Variants in MAP3K8 observed in about 807,000 individuals in gnomAD.
MAP3K8 encodes mitogen-activated protein kinase kinase kinase 8.
In MAP3K8, 22 loss-of-function variants were observed where a neutral mutation model predicts 45.8. The ratio of observed to expected loss-of-function variants is 0.48; its 90% CI spans 0.34 to 0.69. The LOEUF (loss-of-function observed/expected upper bound fraction) is 0.69, where lower values mean the gene tolerates loss of function less well. Ranked by LOEUF, MAP3K8 falls within the 30% of genes least tolerant of loss-of-function variation. MAP3K8 has a pLI of 0.01. For missense variants in MAP3K8, 419 were observed against 585.0 expected (o/e 0.72, Z 2.93); for synonymous variants, 223 against 214.3 (o/e 1.04, Z -0.36).
chr10:30,453,292 T>G (rs762056123), intron 6 of MAP3K8, among the ~76,000 whole-genome samples: 3 of 152,138 alleles, frequency 2.0e-5, no homozygotes, highest in African/African-American at 4.8e-5. Context: ...TCACTGAGTT[T>G]TGGCTCAATG....
At chr10:30,435,039 G>T (rs1366319188) in intron 1 of MAP3K8, among the ~76,000 whole-genome samples, 2 of 152,074 alleles carry the variant, frequency 1.3e-5, no homozygotes, top group Non-Finnish European at 2.9e-5. Flanking sequence ...GTTTTCGAGC[G>T]ATAGTGCATG....
At chr10:30,446,075 TA>T (rs1316263879) in intron 3 of MAP3K8, among the ~76,000 whole-genome samples, 2 of 151,914 alleles carry the variant, frequency 1.3e-5, no homozygotes, top group African/African-American at 4.8e-5. Flanking sequence ...TTTAAAAAAA[TA>T]GAAATGGAGT....
chr10:30,456,682 A>T (rs185874765), intron 6 of MAP3K8, among the ~76,000 whole-genome samples: 245 of 152,254 alleles, frequency 1.6e-3, no homozygotes, highest in African/African-American at 5.6e-3. Flanking sequence ...GTTCCTTTTT[A>T]AAAAAATGTT....
intron 8 of MAP3K8, among the ~76,000 whole-genome samples, 159 bp downstream of exon 8, chr10:30,459,660 GT>G (rs758260441): frequency 1.9e-4 from 28 of 147,888 alleles, no homozygotes; most frequent in East Asian, 7.8e-4. Context: ...GCAGAAGCAT[GT>G]TTTTTTTTTT....
At chr10:30,441,328 TG>T (rs1836099268) in intron 3 of MAP3K8, among the ~76,000 whole-genome samples, 1 of 152,112 alleles carries the variant, frequency 6.6e-6, no homozygotes, top group Non-Finnish European at 1.5e-5. Flanking sequence ...GGCTAATTTT[TG>T]TATGTTTAGT....
At chr10:30,460,422 T>A (rs1836895911) in intron 8 of MAP3K8, among the ~76,000 whole-genome samples, 1 of 152,234 alleles carries the variant, frequency 6.6e-6, no homozygotes, top group South Asian at 2.1e-4. Context: ...TTGTTTATAT[T>A]TCTTTGCTGC....
chr10:30,446,588 T>C lies in MAP3K8; in HGVS notation c.337-1194T>C, dbSNP rs936048183. Among the ~76,000 whole-genome samples the C allele has an allele frequency of 4.7e-5, 7 of 150,050 alleles. No homozygotes were observed. In the East Asian group the frequency reaches 5.9e-4, roughly 13 times the overall value. The stretch of plus-strand genomic sequence containing the variant: ...AGTTTCATAACTCCTGAATTCAGAA[T>C]CAGAAGCCATAATATTACTGATTAC... On this transcript the variant is annotated intron_variant, in intron 3 of 8. Transcript: ENST00000263056.
At chr10:30,439,369 G>A in intron 3 of MAP3K8, 95 bp downstream of exon 3, 2 of 1,518,030 alleles carry the variant, frequency 1.3e-6, no homozygotes, top group East Asian at 2.3e-5. Context: ...GGCTTAGATG[G>A]GCTGGCAGGC....
At chr10:30,451,272 C>G (rs1472654322) in intron 5 of MAP3K8, among the ~76,000 whole-genome samples, 1 of 152,034 alleles carries the variant, frequency 6.6e-6, no homozygotes, top group African/African-American at 2.4e-5. Context: ...CCTTTAATAG[C>G]CAGTACTAAA....
intron 3 of MAP3K8, among the ~76,000 whole-genome samples, chr10:30,445,233 C>T (rs1199641080): frequency 6.6e-6 from 1 of 152,008 alleles, no homozygotes; most frequent in African/African-American, 2.4e-5. Context: ...CCCATTTCTA[C>T]TAAAAATACA....
At chr10:30,444,184 T>G (rs1836225572) in intron 3 of MAP3K8, among the ~76,000 whole-genome samples, 1 of 149,382 alleles carries the variant, frequency 6.7e-6, no homozygotes. Flanking sequence ...AGCAAGACCC[T>G]GTCTTAAAAA....
At chr10:30,443,408 C>CA (rs1488256568) in intron 3 of MAP3K8, among the ~76,000 whole-genome samples, 1 of 152,152 alleles carries the variant, frequency 6.6e-6, no homozygotes, top group East Asian at 1.9e-4. Context: ...ACAGTCCTTC[C>CA]AAAATTTTTT....
rs56773403 is a variant in MAP3K8, at chr10:30,451,093, C to CAA, written c.767-529_767-528dup. Among the ~76,000 whole-genome samples, 370 of 52,782 alleles carry CAA rather than the reference C, an allele frequency of 7.0e-3. 2 individuals are homozygous for CAA. The highest frequency in any genetic ancestry group is 0.02 in the African/African-American group (336 of 16,746). The allele number at this position is 52,782 out of a possible 152,430, so 34.6% of individuals were successfully genotyped here. On this transcript the variant is annotated intron_variant, in intron 5 of 8. Transcript: ENST00000263056. ...GGGTGACAAGAGCAAAACTCCGTCT[C>CAA]AAAAAAAAAAAAAAAAAGCAATTTA...
chr10:30,458,733 T>C (rs1348877442), intron 7 of MAP3K8, among the ~76,000 whole-genome samples: 1 of 152,206 alleles, frequency 6.6e-6, no homozygotes, highest in East Asian at 1.9e-4. Context: ...CTATCACTTA[T>C]CTTTTGTAAC....
intron 6 of MAP3K8, among the ~76,000 whole-genome samples, chr10:30,456,004 C>A (rs1477059272): frequency 6.6e-6 from 1 of 152,206 alleles, no homozygotes; most frequent in Non-Finnish European, 1.5e-5. Context: ...TCCATCCCCC[C>A]AGGCTGCCTA....
At chr10:30,440,409 A>C (rs539716451) in intron 3 of MAP3K8, among the ~76,000 whole-genome samples, 33 of 152,148 alleles carry the variant, frequency 2.2e-4, no homozygotes, top group Admixed American at 1.3e-4. Context: ...AAAGTACTTA[A>C]TTATTTTGCT....
rs1327286561 is a variant in MAP3K8 at position 30,447,855 on chromosome 10, G to A, written c.410G>A (p.Arg137Lys). The A allele has an allele frequency of 6.2e-7, 1 of 1,613,846 alleles. No individual in the cohort carries two copies. The highest frequency in any genetic ancestry group is 8.5e-7 in the Non-Finnish European group (1 of 1,179,870). The stretch of plus-strand genomic sequence containing the variant: ...CTGATCCCCTGGAAGCTGACTTACA[G>A]GAATATTGGTTCTGATTTTATTCCT... ...VLLIPWKLTY[R>K]NIGSDFIPRG... The change falls in exon 4 of 9, where the codon AGG (arginine) becomes AAG (lysine). Residue 137 changes from arginine to lysine, a missense_variant. Arg to Lys is a conservative substitution (Grantham distance 26). Coordinates refer to ENST00000263056, the MANE Select transcript of MAP3K8 (RefSeq NM_005204.4).
intron 4 of MAP3K8, among the ~76,000 whole-genome samples, chr10:30,448,356 G>A (rs189403957): frequency 1.2e-3 from 176 of 151,848 alleles, no homozygotes; most frequent in African/African-American, 4.2e-3. Context: ...TTTTCAGGAA[G>A]GCAGATTTAA....
intron 8 of MAP3K8, among the ~76,000 whole-genome samples, chr10:30,460,489 G>A: frequency 6.6e-6 from 1 of 152,114 alleles, no homozygotes; most frequent in East Asian, 1.9e-4. Flanking sequence ...AAATATGCCA[G>A]GATTTCTAAC....
Sources: allele counts gnomAD v4.1 joint callset (sites outside exome capture counted in the v4.1 genomes callset), GRCh38; gene constraint gnomAD v4.1.1; transcripts MANE v1.5; gene names NCBI Gene and HGNC (gene_info 2026-07-23, HGNC 2026-07-21).